Variants in GCC2 observed in about 807,000 individuals in gnomAD.
GCC2 encodes GRIP and coiled-coil domain-containing protein 2.
GCC2 carries 120 observed loss-of-function variants against 210.6 expected under a neutral mutation model. The observed-to-expected ratio is 0.57, with a 90% CI of 0.49 to 0.66. GCC2 has a LOEUF of 0.66. GCC2 is among the 30% of genes least tolerant of loss of function. The pLI is 0.00. For synonymous variants in GCC2, 703 were observed against 652.7 expected, an observed-to-expected ratio of 1.08 and a Z score of -1.17; for missense variants, 1,868 against 1,871.9, an observed-to-expected ratio of 1.00 and a Z score of 0.04.
rs868629803 is a variant in GCC2, at chr2:108,449,831, A to G, written c.63+142A>G. 1.2e-4 allele frequency: 76 copies of G among 652,220 alleles called. No homozygotes were observed. In the East Asian group the frequency reaches 2.0e-3, roughly 17 times the overall value. 40.4% of individuals were successfully genotyped at this position (652,220 alleles called of 1,614,324 possible). ...AAGGGATCTCAATTTTAGTGTGCGC[A>G]ATCGCCCATTTCCTGTTTCTCCCCC... On this transcript the variant is annotated intron_variant, in intron 2 of 22. Transcript: ENST00000309863.
rs144062162 is a variant in GCC2, at chr2:108,471,896, C to T, written c.2567C>T (p.Ala856Val). 4.4e-6 allele frequency: 7 copies of T among 1,604,292 alleles called. No individual in the cohort carries two copies. In the South Asian group the frequency reaches 6.8e-5, roughly 15 times the overall value. The change falls in exon 6 of 23, where the codon GCC (alanine) becomes GTC (valine). Residue 856 changes from alanine (A) to valine (V), a missense_variant. Transcript: ENST00000309863. ...ELEEIQSEKE[A>V]LQSDLLEMKN... ...GAAGAAATACAGTCAGAAAAAGAGGCCCTGCAGTCTGATCTTCTAGAAATG... is the reference window on the plus strand; with the variant it reads ...GAAGAAATACAGTCAGAAAAAGAGGTCCTGCAGTCTGATCTTCTAGAAATG...
Position 108,481,621 on chromosome 2 carries a change from A to C in GCC2, c.3061-76A>C, listed in dbSNP as rs1207050638. The C allele has an allele frequency of 5.6e-6, 6 of 1,068,952 alleles. No homozygotes were observed. The East Asian group carries it at 1.5e-4, about 26-fold the overall frequency. 66.2% of individuals were successfully genotyped at this position (1,068,952 alleles called of 1,614,324 possible). ...CATCCAGAATGGACTCATGAATCTT[A>C]AGGTGGCTTGATGATGAAGTCTGAC... On this transcript the variant is annotated intron_variant, in intron 9 of 22. Transcript: ENST00000309863.
At chr2:108,479,980 C>CAAAAAAAAAAAAAAAAAAAAAAAAAA (rs200934785) in intron 9 of GCC2, among the ~76,000 whole-genome samples, 1 of 114,536 alleles carries the variant, frequency 8.7e-6, no homozygotes, top group Admixed American at 8.3e-5. Context: ...GACTCCATCT[C>CAAAAAAAAAAAAAAAAAAAAAAAAAA]AAAAAAAAAA....
At chr2:108,481,184 C>T (rs1172965488) in intron 9 of GCC2, among the ~76,000 whole-genome samples, 2 of 152,174 alleles carry the variant, frequency 1.3e-5, no homozygotes, top group African/African-American at 4.8e-5. Flanking sequence ...TTGGATTCTT[C>T]AGGAAATATT....
chr2:108,481,921 T>C, intron 10 of GCC2, 105 bp downstream of exon 10: 1 of 803,974 alleles, frequency 1.2e-6, no homozygotes, highest in South Asian at 2.1e-5. Context: ...ACAGAATTTA[T>C]TCCCCCCCCA....
intron 13 of GCC2, among the ~76,000 whole-genome samples, chr2:108,485,103 T>C (rs1481670706): frequency 6.7e-6 from 1 of 149,698 alleles, no homozygotes; most frequent in Non-Finnish European, 1.5e-5. Context: ...TTCTCACTCA[T>C]AGGTGGGAAC....
intron 22 of GCC2, among the ~76,000 whole-genome samples, chr2:108,506,567 G>A (rs1484176585): frequency 2.0e-5 from 3 of 152,170 alleles, no homozygotes; most frequent in Non-Finnish European, 4.4e-5. Flanking sequence ...TGCTGAAAAG[G>A]GCAGGTTTTA....
intron 18 of GCC2, among the ~76,000 whole-genome samples, chr2:108,491,282 A>T (rs1350904190): frequency 6.6e-6 from 1 of 152,202 alleles, no homozygotes; most frequent in Non-Finnish European, 1.5e-5. Flanking sequence ...TCAAATTGGT[A>T]AATTCATAAA....
Position 108,484,274 on chromosome 2 carries a change from T to G in GCC2, c.3576T>G (p.Ile1192Met), listed in dbSNP as rs779960812. The G allele has an allele frequency of 6.5e-7, 1 of 1,545,988 alleles. No individual in the cohort carries two copies. The highest frequency in any genetic ancestry group is 2.1e-5 in the Admixed American group (1 of 47,080). The change falls in exon 13 of 23, where the codon ATT becomes ATG. Residue 1192 changes from isoleucine (I) to methionine (M), a missense_variant. Transcript: ENST00000309863. ...KIEDLEQEIK[I>M]QKQKQETLQE... ...AAGATTTGGAGCAAGAAATAAAAATTCAAAAACAGAAACAAGAAACCCTAC... is the reference window on the plus strand; with the variant it reads ...AAGATTTGGAGCAAGAAATAAAAATGCAAAAACAGAAACAAGAAACCCTAC...
At chr2:108,497,189 T>C (rs1423245664) in intron 21 of GCC2, 80 bp downstream of exon 21, 3 of 1,606,436 alleles carry the variant, frequency 1.9e-6, no homozygotes, top group African/African-American at 1.3e-5. Context: ...CGATCTCAGC[T>C]CACTGCAAGC....
At chr2:108,490,045 C>CA in intron 18 of GCC2, 31 bp downstream of exon 18, 1 of 1,460,186 alleles carries the variant, frequency 6.8e-7, no homozygotes, top group Admixed American at 2.3e-5. Flanking sequence ...AACGCTGTAC[C>CA]AGACAGCAAT....
chr2:108,499,136 T>C (rs1293509928), intron 21 of GCC2, among the ~76,000 whole-genome samples: 4 of 144,356 alleles, frequency 2.8e-5, no homozygotes, highest in African/African-American at 1.0e-4. Flanking sequence ...TCTTCATCTG[T>C]TTCTCGTGAG....
In GCC2 at chr2:108,469,892, A is replaced by T; in HGVS notation, c.563A>T (p.Glu188Val). 3 of 1,613,384 alleles carry T rather than the reference A, an allele frequency of 1.9e-6. No homozygotes were observed. Among genetic ancestry groups the T allele is most frequent in the Non-Finnish European group, 2.5e-6 (3 of 1,179,642 alleles). Reference protein sequence around the residue: ...DNVKKLQEEIEKIRPGFEEQI... With the variant: ...DNVKKLQEEIVKIRPGFEEQI... ...GTTAAAAAACTACAAGAAGAGATTG[A>T]GAAAATTAGGCCAGGCTTTGAGGAG... The change falls in exon 6 of 23, where the codon GAG becomes GTG. Residue 188 changes from glutamate (E) to valine (V), a missense_variant. Glu to Val is a moderately radical substitution (Grantham distance 121). Coordinates refer to ENST00000309863, the MANE Select transcript of GCC2 (RefSeq NM_181453.4).
chr2:108,466,535 C>T (rs557984075), intron 4 of GCC2, among the ~76,000 whole-genome samples: 6 of 151,778 alleles, frequency 4.0e-5, no homozygotes, highest in Non-Finnish European at 8.8e-5. Flanking sequence ...TGCAATGGGG[C>T]GATCCCAGCT....
intron 2 of GCC2, chr2:108,449,912 C>CT: frequency 1.8e-6 from 1 of 542,454 alleles, no homozygotes; most frequent in Non-Finnish European, 3.3e-6. Flanking sequence ...GTTAGCACTG[C>CT]TGGGAGATCC....
Position 108,508,701 on chromosome 2 carries a change from G to C in GCC2, c.*1071G>C, listed in dbSNP as rs1012232335. The C allele has an allele frequency of 1.3e-5, 2 of 152,430 alleles. No homozygotes were observed. Among genetic ancestry groups the C allele is most frequent in the African/African-American group, 4.8e-5 (2 of 41,394 alleles). 9.4% of individuals were successfully genotyped at this position (152,430 alleles called of 1,614,324 possible). A position where few individuals can be genotyped will look rare whatever the true frequency, so the allele number is the denominator to read the frequency against. On this transcript the variant is annotated 3_prime_UTR_variant, in exon 23 of 23. Coordinates refer to ENST00000309863, the MANE Select transcript of GCC2 (RefSeq NM_181453.4). Reference sequence around the variant, plus strand: ...GGGATTTTAGACACCTTAGAGGTCCGTGCTACATCGTCACAGTTCCTCCGA... The same window carrying C: ...GGGATTTTAGACACCTTAGAGGTCCCTGCTACATCGTCACAGTTCCTCCGA...
intron 19 of GCC2, chr2:108,494,114 C>G (rs1403339396): frequency 2.2e-6 from 1 of 456,344 alleles, no homozygotes; most frequent in Non-Finnish European, 2.9e-6. Context: ...TGTCTCACCC[C>G]TGCAATCTCA....
At chr2:108,491,899 T>C (rs1032673504) in intron 18 of GCC2, among the ~76,000 whole-genome samples, 12 of 151,942 alleles carry the variant, frequency 7.9e-5, no homozygotes, top group Admixed American at 1.3e-4. Context: ...TACATAAAAA[T>C]CACATTGAAA....
chr2:108,455,028 T>C (rs141362306), intron 4 of GCC2, among the ~76,000 whole-genome samples: 47 of 152,178 alleles, frequency 3.1e-4, no homozygotes, highest in South Asian at 2.7e-3. Flanking sequence ...TTAACTCTTA[T>C]AATACTTTTT....
Sources: allele counts gnomAD v4.1 joint callset (sites outside exome capture counted in the v4.1 genomes callset), GRCh38; gene constraint gnomAD v4.1.1; transcripts MANE v1.5; gene names NCBI Gene and HGNC (gene_info 2026-07-23, HGNC 2026-07-21).